The following PAWR variants were observed in gnomAD, a reference collection of about 807,000 sequenced individuals.
The protein encoded by PAWR is pro-apoptotic WT1 regulator.
PAWR carries 23 observed loss-of-function variants against 32.0 expected under a neutral mutation model. The observed-to-expected ratio is 0.72, with a 90% confidence interval of 0.52 to 1.02. The LOEUF is 1.02. Ranked by LOEUF, PAWR falls within the 50% of genes least tolerant of loss-of-function variation. The pLI is 0.00. For missense variants in PAWR, 457 were observed against 437.7 expected (o/e 1.04, Z -0.39); for synonymous variants, 226 against 187.1 (o/e 1.21, Z -1.70).
chr12:79,626,202 A>AT (rs1875307389), intron 2 of PAWR, among the ~76,000 whole-genome samples: 2 of 150,828 alleles, frequency 1.3e-5, no homozygotes, highest in African/African-American at 4.9e-5. Flanking sequence ...ATATATATAT[A>AT]AAATGAAGAA....
intron 2 of PAWR, among the ~76,000 whole-genome samples, chr12:79,648,474 G>A (rs1371299434): frequency 1.3e-5 from 2 of 152,008 alleles, no homozygotes; most frequent in African/African-American, 4.8e-5. Flanking sequence ...CACACATTTG[G>A]ATATATGCTT....
intron 2 of PAWR, among the ~76,000 whole-genome samples, chr12:79,672,361 A>C (rs1051618329): frequency 1.3e-5 from 2 of 152,104 alleles, no homozygotes; most frequent in African/African-American, 4.8e-5. Flanking sequence ...GAATACTTGA[A>C]GTTTCCTGCC....
At chr12:79,674,784 G>A (rs1454442606) in intron 2 of PAWR, among the ~76,000 whole-genome samples, 3 of 151,912 alleles carry the variant, frequency 2.0e-5, no homozygotes, top group Admixed American at 6.6e-5. Flanking sequence ...TGACATACAC[G>A]TAGCAACAAG....
In PAWR at chr12:79,592,602, A is replaced by C. The variant is rs1592486617; in HGVS notation, c.*5T>G. 3 of 757,126 alleles carry C rather than the reference A, an allele frequency of 4.0e-6. No individual in the cohort carries two copies. In the South Asian group the frequency reaches 4.3e-5, roughly 11 times the overall value. 46.9% of individuals were successfully genotyped at this position (757,126 alleles called of 1,614,324 possible). ...ATATTTTTTCCACATTGAGTCTTGA[A>C]TCCTCTACCTGGTCAGCTGACCCAC... On this transcript the variant is annotated 3_prime_UTR_variant, in exon 7 of 7. Transcript: ENST00000328827.
At chr12:79,644,010 A>T (rs1296539546) in intron 2 of PAWR, among the ~76,000 whole-genome samples, 1 of 152,148 alleles carries the variant, frequency 6.6e-6, no homozygotes, top group Non-Finnish European at 1.5e-5. Context: ...AGACAATAAC[A>T]CTATTGATTC....
rs1873393353 is a variant in PAWR at position 79,586,678 on chromosome 12, C to G, written c.*5929G>C. On this transcript the variant is annotated 3_prime_UTR_variant, in exon 7 of 7. Coordinates refer to ENST00000328827, the MANE Select transcript of PAWR (RefSeq NM_002583.4). ...TGTGTAAAGTAAAAATTCAATCTATCTTTAACCGGCTCATACTGTTTTCAT... is the reference window on the plus strand; with the variant it reads ...TGTGTAAAGTAAAAATTCAATCTATGTTTAACCGGCTCATACTGTTTTCAT... 1 of 152,180 alleles carries G rather than the reference C, an allele frequency of 6.6e-6. No homozygotes were observed. The allele number at this position is 152,180 out of a possible 1,614,324, so 9.4% of individuals were successfully genotyped here. A position where few individuals can be genotyped will look rare whatever the true frequency, so the allele number is the denominator to read the frequency against.
intron 2 of PAWR, chr12:79,688,240 AG>A (rs1447088318): frequency 6.6e-6 from 1 of 151,914 alleles, no homozygotes; most frequent in Admixed American, 6.6e-5. Context: ...AAAAAAAAAA[AG>A]TACTTGAAAA....
At chr12:79,679,700 T>C (rs1435825490) in intron 2 of PAWR, among the ~76,000 whole-genome samples, 1 of 152,126 alleles carries the variant, frequency 6.6e-6, no homozygotes, top group Non-Finnish European at 1.5e-5. Flanking sequence ...AGGAAAAAGG[T>C]TGAGGTTGAA....
At chr12:79,659,280 T>C (rs1877239461) in intron 2 of PAWR, among the ~76,000 whole-genome samples, 1 of 149,836 alleles carries the variant, frequency 6.7e-6, no homozygotes, top group African/African-American at 2.5e-5. Flanking sequence ...GGCGACAGAG[T>C]GAGACTCAGT....
At chr12:79,617,645 T>G (rs902382888) in intron 3 of PAWR, among the ~76,000 whole-genome samples, 1 of 152,212 alleles carries the variant, frequency 6.6e-6, no homozygotes, top group Admixed American at 6.5e-5. Flanking sequence ...TAGACATATG[T>G]ATAAGGCACA....
chr12:79,649,581 G>A (rs985600330), intron 2 of PAWR, among the ~76,000 whole-genome samples: 1 of 152,058 alleles, frequency 6.6e-6, no homozygotes, highest in Non-Finnish European at 1.5e-5. Context: ...GAAGCCAGGA[G>A]TACAAGACCA....
intron 2 of PAWR, among the ~76,000 whole-genome samples, chr12:79,621,898 C>T (rs1875037446): frequency 6.6e-6 from 1 of 152,070 alleles, no homozygotes; most frequent in African/African-American, 2.4e-5. Context: ...AATCTCTATC[C>T]ATTATACACA....
intron 2 of PAWR, chr12:79,688,575 G>C (rs11114215): frequency 2.6e-5 from 4 of 151,090 alleles, no homozygotes; most frequent in African/African-American, 9.7e-5. Flanking sequence ...GCAAACCGCA[G>C]AGGACAGTTT....
chr12:79,612,796 G>T (rs1484340825), intron 4 of PAWR, among the ~76,000 whole-genome samples: 5 of 152,126 alleles, frequency 3.3e-5, no homozygotes, highest in African/African-American at 1.2e-4. Flanking sequence ...AGAAGGAAGT[G>T]AATATCCTAG....
At chr12:79,662,525 T>G (rs1226627295) in intron 2 of PAWR, among the ~76,000 whole-genome samples, 1 of 152,206 alleles carries the variant, frequency 6.6e-6, no homozygotes, top group African/African-American at 2.4e-5. Context: ...AATCTCTTAC[T>G]TCCATTCACA....
intron 4 of PAWR, among the ~76,000 whole-genome samples, chr12:79,599,775 T>C (rs1375597112): frequency 6.6e-6 from 1 of 152,212 alleles, no homozygotes; most frequent in East Asian, 1.9e-4. Flanking sequence ...AACTATCTTC[T>C]TTACTACAGA....
intron 2 of PAWR, among the ~76,000 whole-genome samples, chr12:79,659,913 T>TG (rs1352825011): frequency 6.6e-6 from 1 of 151,438 alleles, no homozygotes; most frequent in African/African-American, 2.4e-5. Flanking sequence ...TTAAAGGGGG[T>TG]GGGGAAAGAA....
intron 2 of PAWR, among the ~76,000 whole-genome samples, chr12:79,667,005 C>T (rs1877640565): frequency 6.6e-6 from 1 of 152,144 alleles, no homozygotes; most frequent in Admixed American, 6.5e-5. Flanking sequence ...CTAGAAGCCC[C>T]TTCCCCTCTT....
chr12:79,689,816 A>C lies in PAWR; in HGVS notation c.429T>G (p.Ser143Arg), dbSNP rs1485923844. Residue 143 changes from serine (S) to arginine (R), a missense_variant, in exon 2 of 7, where the codon AGT becomes AGG. Ser to Arg is a moderately radical substitution (Grantham distance 110). Transcript: ENST00000328827. ...VPEKGKSSGPSARKGKGQIEK... is the reference protein window; with the variant it reads ...VPEKGKSSGPRARKGKGQIEK... ...CGATCTGCCCCTTGCCTTTCCTGGC[A>C]CTGGGGCCCGAGCTCTTGCCCTTCT... is the stretch of plus-strand genomic sequence containing the variant. 6.3e-7 allele frequency: 1 copy of C among 1,594,472 alleles called. No individual in the cohort carries two copies. Among genetic ancestry groups the C allele is most frequent in the East Asian group, 2.3e-5 (1 of 43,664 alleles).
Sources: gnomAD v4.1 joint callset for allele counts (sites outside exome capture counted in the v4.1 genomes callset) on GRCh38, gnomAD v4.1.1 for gene constraint, MANE v1.5 for transcripts, NCBI Gene and HGNC (gene_info 2026-07-23, HGNC 2026-07-21) for gene names.